The following USP8 variants were observed in gnomAD, a reference collection of about 807,000 sequenced individuals.
USP8 encodes ubiquitin carboxyl-terminal hydrolase 8.
USP8 carries 27 observed loss-of-function variants against 130.0 expected under a neutral mutation model. That is an observed-to-expected ratio of 0.21 (90% CI 0.15 to 0.29). The LOEUF is 0.29. Among genes scored for constraint, USP8 ranks in the 10% least tolerant of loss-of-function variants. USP8 has a pLI of 1.00. For synonymous variants in USP8, 392 were observed against 444.1 expected, an observed-to-expected ratio of 0.88 and a Z score of 1.48; for missense variants, 1,029 against 1,312.2, an observed-to-expected ratio of 0.78 and a Z score of 3.33.
At chr15:50,434,431 A>G (rs528454507) in intron 1 of USP8, among the ~76,000 whole-genome samples, 4 of 151,592 alleles carry the variant, frequency 2.6e-5, no homozygotes, top group East Asian at 2.0e-4. Context: ...CTCATTTTCA[A>G]CACTTTTGGA....
rs1269184624 is a variant in USP8, at chr15:50,508,064, T to G, written c.*8976T>G. On this transcript the variant is annotated 3_prime_UTR_variant, in exon 20 of 20. Transcript: ENST00000307179. ...TAGCCCGGGCGACAGTGCAAGACTC[T>G]GTCTCAAAAAAAAAAAAAAAAAAAA... 2 of 110,970 alleles carry G rather than the reference T, an allele frequency of 1.8e-5. No individual in the cohort carries two copies. The highest frequency in any genetic ancestry group is 3.5e-5 in the Non-Finnish European group (2 of 57,102). The allele number at this position is 110,970 out of a possible 1,614,324, so 6.9% of individuals were successfully genotyped here.
At chr15:50,496,502 C>CGGTTTTTTTTTTTTTTT (rs1595993004) in intron 17 of USP8, among the ~76,000 whole-genome samples, 1 of 142,092 alleles carries the variant, frequency 7.0e-6, no homozygotes, top group South Asian at 2.3e-4. Flanking sequence ...AAAAAAAAAC[C>CGGTTTTTTTTTTTTTTT]TTTTATCAGT....
intron 2 of USP8, among the ~76,000 whole-genome samples, chr15:50,439,558 G>A (rs1449564496): frequency 6.6e-6 from 1 of 152,154 alleles, no homozygotes; most frequent in African/African-American, 2.4e-5. Context: ...GGAGGCCAAG[G>A]TGGGCGGATC....
At chr15:50,477,889 A>G (rs1222219189) in intron 10 of USP8, among the ~76,000 whole-genome samples, 5 of 152,194 alleles carry the variant, frequency 3.3e-5, no homozygotes, top group Non-Finnish European at 4.4e-5. Flanking sequence ...AGTTTAATAT[A>G]TAACCTTTAA....
intron 10 of USP8, 88 bp from the exon 11 acceptor site, chr15:50,481,393 C>G: frequency 1.0e-6 from 1 of 966,128 alleles, no homozygotes; most frequent in Non-Finnish European, 1.5e-6. Context: ...CACAAAGTGA[C>G]ACTTCTTTTA....
At chr15:50,450,319 A>G (rs1439483958) in intron 4 of USP8, among the ~76,000 whole-genome samples, 2 of 152,032 alleles carry the variant, frequency 1.3e-5, no homozygotes, top group African/African-American at 4.8e-5. Flanking sequence ...ATTTACTGTT[A>G]CTTTTGATCT....
At position 50,508,286 on chromosome 15, in the gene USP8, A is replaced by C. The variant is rs183530701; in HGVS notation, c.*9198A>C. 5.3e-5 allele frequency: 8 copies of C among 152,286 alleles called. No individual in the cohort carries two copies. Among genetic ancestry groups the C allele is most frequent in the Admixed American group, 5.2e-4 (8 of 15,282 alleles). 9.4% of individuals were successfully genotyped at this position (152,286 alleles called of 1,614,324 possible). On this transcript the variant is annotated 3_prime_UTR_variant, in exon 20 of 20. Coordinates refer to ENST00000307179, the MANE Select transcript of USP8 (RefSeq NM_005154.5). The stretch of plus-strand genomic sequence containing the variant: ...AATACTATATCAAAACATGGGATGC[A>C]CTGATGTCTGAGAATGTCTTAAAAA...
rs78687211 is a variant in USP8, at chr15:50,438,303, G to C, written c.-65-706G>C. On this transcript the variant is annotated intron_variant, in intron 1 of 19. Transcript: ENST00000307179. Reference sequence around the variant, plus strand: ...ATTATTAAGAGATTGGAAAGAAGTAGCCAGACGTGGTGGCTTACGCCTGTA... The same window carrying C: ...ATTATTAAGAGATTGGAAAGAAGTACCCAGACGTGGTGGCTTACGCCTGTA... Among the ~76,000 whole-genome samples, 463 of 152,348 alleles carry C rather than the reference G, an allele frequency of 3.0e-3. 7 individuals are homozygous for C. The highest frequency in any genetic ancestry group is 0.011 in the African/African-American group (437 of 41,586).
At chr15:50,476,090 A>G (rs1290784623) in intron 8 of USP8, among the ~76,000 whole-genome samples, 4 of 152,144 alleles carry the variant, frequency 2.6e-5, no homozygotes, top group Non-Finnish European at 5.9e-5. Flanking sequence ...TTAAATGGGG[A>G]AAAAACCCAA....
rs117877337 is a variant in USP8 at position 50,425,686 on chromosome 15, T to C, written c.-66+1172T>C. 1.0e-2 allele frequency among the ~76,000 whole-genome samples: 1,517 copies of C among 152,342 alleles called. 12 individuals carry two copies. The highest frequency in any genetic ancestry group is 0.013 in the Non-Finnish European group (902 of 68,022). ...AAAAAAAAAATACACCTCTCATTAA[T>C]GAAATTTTGCACATAGACATCTGTT... On this transcript the variant is annotated intron_variant, in intron 1 of 19. Transcript: ENST00000307179.
intron 19 of USP8, 82 bp from the exon 20 acceptor site, chr15:50,498,821 A>T: frequency 6.5e-7 from 1 of 1,549,612 alleles, no homozygotes; most frequent in Non-Finnish European, 8.7e-7. Flanking sequence ...AGTAAGAACA[A>T]CATAAAGCTT....
intron 10 of USP8, among the ~76,000 whole-genome samples, chr15:50,478,583 G>A (rs1228233099): frequency 6.6e-6 from 1 of 152,144 alleles, no homozygotes; most frequent in African/African-American, 2.4e-5. Flanking sequence ...AGACTAAATA[G>A]ATGTGATTAA....
At chr15:50,462,256 CT>C (rs376262830) in intron 5 of USP8, 23 bp from the exon 6 acceptor site, 17,939 of 1,083,558 alleles carry the variant, frequency 0.017, 1 homozygote, top group Admixed American at 0.029. Context: ...AAAGTTGAAA[CT>C]TTTTTTTTTT....
intron 16 of USP8, among the ~76,000 whole-genome samples, chr15:50,495,300 ATAC>A (rs1424930877): frequency 0.26 from 28,540 of 108,144 alleles, 4,232 homozygotes; most frequent in African/African-American, 0.36. Context: ...ATATACATAT[ATAC>A]GTGTATATAT....
At chr15:50,480,279 A>C (rs1410379701) in intron 10 of USP8, among the ~76,000 whole-genome samples, 4 of 152,194 alleles carry the variant, frequency 2.6e-5, no homozygotes, top group African/African-American at 9.6e-5. Flanking sequence ...TTTATTACAC[A>C]ACCTGAAGGA....
At chr15:50,469,941 C>T (rs11855202) in intron 7 of USP8, among the ~76,000 whole-genome samples, 4,934 of 151,718 alleles carry the variant, frequency 0.033, 105 homozygotes, top group East Asian at 0.095. Context: ...AAGCTATTCT[C>T]CTGCCTCAGC....
intron 8 of USP8, among the ~76,000 whole-genome samples, chr15:50,476,299 C>T (rs868257856): frequency 3.3e-5 from 5 of 152,138 alleles, no homozygotes; most frequent in African/African-American, 9.7e-5. Flanking sequence ...CGTGTTGGCG[C>T]GTGCTTGTAA....
intron 10 of USP8, among the ~76,000 whole-genome samples, chr15:50,478,672 C>G (rs547843668): frequency 6.6e-6 from 1 of 152,268 alleles, no homozygotes; most frequent in South Asian, 2.1e-4. Flanking sequence ...TCAACTTAAT[C>G]TATTTAAACG....
At chr15:50,460,341 C>G (rs1405648009) in intron 5 of USP8, among the ~76,000 whole-genome samples, 1 of 115,230 alleles carries the variant, frequency 8.7e-6, no homozygotes, top group Non-Finnish European at 1.7e-5. Context: ...GAGTTTTACT[C>G]TGTCGCTCAG....
Sources: allele counts gnomAD v4.1 joint callset (sites outside exome capture counted in the v4.1 genomes callset), GRCh38; gene constraint gnomAD v4.1.1; transcripts MANE v1.5; gene names NCBI Gene and HGNC (gene_info 2026-07-23, HGNC 2026-07-21).